Variants in GRHL2 observed in about 807,000 individuals in gnomAD.
GRHL2 encodes grainyhead like transcription factor 2.
Under a neutral mutation model 83.8 loss-of-function variants are expected in GRHL2, and 21 were observed. The observed-to-expected ratio is 0.25, with a 90% CI of 0.18 to 0.36. The LOEUF (loss-of-function observed/expected upper bound fraction) is 0.36. Among genes scored for constraint, GRHL2 ranks in the 10% least tolerant of loss-of-function variants. GRHL2 has a pLI of 1.00. For synonymous variants in GRHL2, 280 were observed against 278.9 expected (o/e 1.00, Z -0.04); for missense variants, 623 against 781.8 (o/e 0.80, Z 2.42).
intron 1 of GRHL2, among the ~76,000 whole-genome samples, chr8:101,498,391 A>G (rs1322351908): frequency 6.6e-6 from 1 of 152,166 alleles, no homozygotes; most frequent in Non-Finnish European, 1.5e-5. Context: ...AAGTGCTGAG[A>G]TTGCAGGCAT....
intron 4 of GRHL2, among the ~76,000 whole-genome samples, chr8:101,569,107 A>G (rs902144295): frequency 1.3e-5 from 2 of 152,200 alleles, no homozygotes; most frequent in African/African-American, 4.8e-5. Context: ...GACACTTGAA[A>G]AATGGTCATA....
At chr8:101,657,930 A>G (rs1164511419) in intron 14 of GRHL2, among the ~76,000 whole-genome samples, 1 of 152,136 alleles carries the variant, frequency 6.6e-6, no homozygotes, top group African/African-American at 2.4e-5. Flanking sequence ...CATGTGCCAC[A>G]CGTTTTCCAT....
intron 1 of GRHL2, among the ~76,000 whole-genome samples, chr8:101,527,917 C>T (rs564427008): frequency 1.1e-4 from 16 of 152,262 alleles, no homozygotes; most frequent in Admixed American, 1.0e-3. Context: ...TAGTTCTGTT[C>T]TGTTGAATGT....
intron 9 of GRHL2, among the ~76,000 whole-genome samples, chr8:101,630,530 G>A (rs1270958063): frequency 6.6e-6 from 1 of 152,086 alleles, no homozygotes; most frequent in East Asian, 1.9e-4. Context: ...TTACATTTTT[G>A]TATTGTTAAA....
At chr8:101,633,323 T>C (rs1032752415) in intron 11 of GRHL2, among the ~76,000 whole-genome samples, 1 of 152,232 alleles carries the variant, frequency 6.6e-6, no homozygotes, top group Non-Finnish European at 1.5e-5. Context: ...AGTTTTCTTT[T>C]AAACCCAAAG....
chr8:101,584,275 T>C (rs1812119387), intron 7 of GRHL2, among the ~76,000 whole-genome samples: 1 of 152,246 alleles, frequency 6.6e-6, no homozygotes, highest in South Asian at 2.1e-4. Flanking sequence ...TTTTTGTCTG[T>C]GTCCTAATAG....
chr8:101,568,429 G>C lies in GRHL2; in HGVS notation c.679-1910G>C, dbSNP rs539031589. On this transcript the variant is annotated intron_variant, in intron 4 of 15. Coordinates refer to ENST00000646743, the MANE Select transcript of GRHL2 (RefSeq NM_024915.4). The stretch of plus-strand genomic sequence containing the variant: ...AATCCAGGCTGTCTTTGACTTCCAA[G>C]GGTCAGAGCGAAGCTCACCAGCTCT... Among the ~76,000 whole-genome samples, 22 of 152,304 alleles carry C rather than the reference G, an allele frequency of 1.4e-4. No individual in the cohort carries two copies. In the South Asian group the frequency reaches 4.6e-3, roughly 32 times the overall value.
intron 9 of GRHL2, among the ~76,000 whole-genome samples, chr8:101,624,671 C>A (rs920831328): frequency 3.9e-5 from 5 of 129,548 alleles, no homozygotes; most frequent in Admixed American, 3.2e-4. Context: ...TAGGACAGTA[C>A]ATAGTAGGAC....
chr8:101,593,091 C>A (rs539228247), intron 7 of GRHL2, among the ~76,000 whole-genome samples: 278 of 152,098 alleles, frequency 1.8e-3, no homozygotes, highest in Non-Finnish European at 3.5e-3. Context: ...GGATTACAGA[C>A]ACTTGCCACC....
chr8:101,515,292 A>T (rs1810551007), intron 1 of GRHL2, among the ~76,000 whole-genome samples: 2 of 151,860 alleles, frequency 1.3e-5, no homozygotes, highest in Non-Finnish European at 2.9e-5. Flanking sequence ...AAAATGTCTT[A>T]TGATGCTTAC....
Position 101,542,001 on chromosome 8 carries a change from A to G in GRHL2, c.21-1240A>G, listed in dbSNP as rs75225089. 6.4e-4 allele frequency among the ~76,000 whole-genome samples: 98 copies of G among 152,326 alleles called. 2 individuals are homozygous for G. The East Asian group carries it at 0.018, about 27-fold the overall frequency. On this transcript the variant is annotated intron_variant, in intron 1 of 15. Transcript: ENST00000646743. The stretch of plus-strand genomic sequence containing the variant: ...AGAATTCTGTTGTAGCACAGGATCT[A>G]CAATAGAGTCCGTCTCATTACTGCT...
At chr8:101,660,984 T>G (rs1371301674) in intron 14 of GRHL2, among the ~76,000 whole-genome samples, 1 of 152,240 alleles carries the variant, frequency 6.6e-6, no homozygotes, top group Non-Finnish European at 1.5e-5. Context: ...TCAAGAATAT[T>G]TAGCACATAC....
intron 1 of GRHL2, among the ~76,000 whole-genome samples, chr8:101,535,042 C>T (rs1187702405): frequency 6.6e-6 from 1 of 152,162 alleles, no homozygotes; most frequent in Non-Finnish European, 1.5e-5. Context: ...AATGCGAAAG[C>T]TAAGATCCAG....
intron 4 of GRHL2, among the ~76,000 whole-genome samples, chr8:101,559,603 C>T (rs568718843): frequency 6.6e-6 from 1 of 152,182 alleles, no homozygotes; most frequent in South Asian, 2.1e-4. Flanking sequence ...GGAGAATTTG[C>T]GTTATCAATA....
chr8:101,508,151 A>G (rs1810378747), intron 1 of GRHL2, among the ~76,000 whole-genome samples: 2 of 152,176 alleles, frequency 1.3e-5, no homozygotes, highest in Non-Finnish European at 2.9e-5. Flanking sequence ...ATACATTCCA[A>G]TGAATAGAAA....
chr8:101,654,425 C>A (rs1563628577), intron 14 of GRHL2, among the ~76,000 whole-genome samples: 1 of 152,210 alleles, frequency 6.6e-6, no homozygotes, highest in Non-Finnish European at 1.5e-5. Context: ...GATGATGCAG[C>A]TATTTCCACA....
chr8:101,641,010 A>G (rs1282444905), intron 12 of GRHL2, among the ~76,000 whole-genome samples: 3 of 152,182 alleles, frequency 2.0e-5, no homozygotes. Flanking sequence ...GGAAACAGAA[A>G]TATCTGTATT....
chr8:101,545,869 CATTTTTT>C (rs1211860529), intron 2 of GRHL2, among the ~76,000 whole-genome samples: 7 of 111,470 alleles, frequency 6.3e-5, no homozygotes. Flanking sequence ...CTCTTTGTAA[CATTTTTT>C]TTTTTTTTTT....
At chr8:101,652,481 ATGTGTGTATGTGTGTGG>A (rs1563627218) in intron 14 of GRHL2, among the ~76,000 whole-genome samples, 16 of 14,072 alleles carry the variant, frequency 1.1e-3, no homozygotes, top group African/African-American at 3.4e-3. Flanking sequence ...TGTGTGTGGT[ATGTGTGTATGTGTGTGG>A]TGTGTGTGTG....
Sources: gnomAD v4.1 joint callset for allele counts (sites outside exome capture counted in the v4.1 genomes callset) on GRCh38, gnomAD v4.1.1 for gene constraint, MANE v1.5 for transcripts, NCBI Gene and HGNC (gene_info 2026-07-23, HGNC 2026-07-21) for gene names.